Variants in MORF4L1 observed in about 807,000 individuals in gnomAD.
MORF4L1 encodes mortality factor 4 like 1.
MORF4L1 carries 4 observed loss-of-function variants against 52.9 expected under a neutral mutation model. The observed-to-expected ratio is 0.08, with a 90% confidence interval of 0.04 to 0.17. The LOEUF (loss-of-function observed/expected upper bound fraction) is 0.17. Among genes scored for constraint, MORF4L1 ranks in the 10% least tolerant of loss-of-function variants. The pLI, the probability that MORF4L1 is intolerant of heterozygous loss-of-function variation, is 1.00. For synonymous variants in MORF4L1, 123 were observed against 134.8 expected, an observed-to-expected ratio of 0.91 and a Z score of 0.61; for missense variants, 214 against 390.4, an observed-to-expected ratio of 0.55 and a Z score of 3.81.
intron 3 of MORF4L1, among the ~76,000 whole-genome samples, chr15:78,882,835 G>C (rs533145727): frequency 1.3e-5 from 2 of 152,060 alleles, no homozygotes; most frequent in Admixed American, 1.3e-4. Context: ...TTCTTAGGGA[G>C]GCTGAGGTTG....
chr15:78,896,560 G>A (rs1359638362), intron 11 of MORF4L1, among the ~76,000 whole-genome samples: 2 of 151,782 alleles, frequency 1.3e-5, no homozygotes, highest in Admixed American at 1.3e-4. Context: ...AGCTTGCCTT[G>A]GCCTCCCAAA....
Position 78,897,107 on chromosome 15 carries a change from A to G in MORF4L1, c.*40A>G. On this transcript the variant is annotated 3_prime_UTR_variant, in exon 12 of 12. Transcript: ENST00000426013. ...CACTTATGTTTGGATCTCCGTAAAC[A>G]CATTTTTGTTCTTAGTCTATCTCTT... 1 of 1,499,014 alleles carries G rather than the reference A, an allele frequency of 6.7e-7. No individual in the cohort carries two copies. Among genetic ancestry groups the G allele is most frequent in the South Asian group, 1.1e-5 (1 of 88,344 alleles). The allele number at this position is 1,499,014 out of a possible 1,614,324, so 92.9% of individuals were successfully genotyped here. A position where few individuals can be genotyped will look rare whatever the true frequency, so the allele number is the denominator to read the frequency against.
At chr15:78,894,588 C>T (rs1209632247) in intron 10 of MORF4L1, 7 of 479,778 alleles carry the variant, frequency 1.5e-5, no homozygotes, top group South Asian at 7.8e-5. Context: ...TTTGTATTTT[C>T]TGTAGAGATG....
At chr15:78,894,339 GAACTTTTATCTAGAATGTT>G (rs1448247559) in intron 10 of MORF4L1, 109 bp downstream of exon 10, 5 of 847,716 alleles carry the variant, frequency 5.9e-6, no homozygotes, top group Non-Finnish European at 8.7e-6. Flanking sequence ...ATTTTAATTT[GAACTTTTATCTAGAATGTT>G]AAATAGCAAA....
At chr15:78,879,832 G>T (rs2056568696) in intron 2 of MORF4L1, among the ~76,000 whole-genome samples, 1 of 151,224 alleles carries the variant, frequency 6.6e-6, no homozygotes, top group African/African-American at 2.4e-5. Flanking sequence ...TGTTGTTATT[G>T]TTGTATCAAC....
In MORF4L1 at chr15:78,873,001, C is replaced by T. The variant is rs771781138; in HGVS notation, c.-17C>T. On this transcript the variant is annotated 5_prime_UTR_variant, in exon 1 of 12. Transcript: ENST00000426013. ...CGGGGGTGGTGGGAGAAGGAGGAGG[C>T]GGCGAATCACTTATAAATGGCGCCG... 1.3e-5 allele frequency: 20 copies of T among 1,549,936 alleles called. No individual in the cohort carries two copies. The highest frequency in any genetic ancestry group is 1.2e-4 in the South Asian group (10 of 84,008).
chr15:78,894,299 A>G (rs2056847849), intron 10 of MORF4L1, 69 bp downstream of exon 10: 9 of 1,287,268 alleles, frequency 7.0e-6, no homozygotes, highest in African/African-American at 1.5e-5. Flanking sequence ...ATAAGAGGTA[A>G]AGTAATTAAC....
At chr15:78,887,923 C>T (rs1258581571) in intron 5 of MORF4L1, among the ~76,000 whole-genome samples, 3 of 152,274 alleles carry the variant, frequency 2.0e-5, no homozygotes, top group South Asian at 2.1e-4. Context: ...GGATTACAGG[C>T]GTGTGCCACC....
chr15:78,877,446 A>C (rs2056516942), intron 1 of MORF4L1, among the ~76,000 whole-genome samples: 1 of 152,230 alleles, frequency 6.6e-6, no homozygotes, highest in South Asian at 2.1e-4. Flanking sequence ...GAGCTAAAAA[A>C]GAGCTGACAT....
chr15:78,878,071 C>G (rs1174408110), intron 1 of MORF4L1, 142 bp from the exon 2 acceptor site: 3 of 649,448 alleles, frequency 4.6e-6, no homozygotes, highest in Non-Finnish European at 7.3e-6. Context: ...AAGTTTGAGC[C>G]AAAGTGGTGC....
chr15:78,874,584 T>TTTC (rs1491225092), intron 1 of MORF4L1, among the ~76,000 whole-genome samples: 3 of 728 alleles, frequency 4.1e-3, no homozygotes, highest in African/African-American at 0.012. Flanking sequence ...TTTTTCTTTC[T>TTTC]TTTTTTTTTT....
chr15:78,884,208 A>AAAAACAC (rs200115659), intron 3 of MORF4L1, among the ~76,000 whole-genome samples: 23,239 of 146,630 alleles, frequency 0.16, 2,560 homozygotes, highest in East Asian at 0.64. Context: ...CATCTCAAAA[A>AAAAACAC]AAAAAACAAA....
rs74024473 is a variant in MORF4L1, at chr15:78,893,659, A to G, written c.629+32A>G. ...ATATACATTTTTCAGATGACACTCA[A>G]AAGACATTTAAAAAAGTTTCTAAAT... On this transcript the variant is annotated intron_variant, in intron 9 of 11. Coordinates refer to ENST00000426013, the MANE Select transcript of MORF4L1 (RefSeq NM_006791.4). 16,426 of 1,406,122 alleles carry G rather than the reference A, an allele frequency of 0.012. 1,360 individuals are homozygous for G. In the African/African-American group the frequency reaches 0.19, roughly 16 times the overall value. The allele number at this position is 1,406,122 out of a possible 1,614,324, so 87.1% of individuals were successfully genotyped here. A position where few individuals can be genotyped will look rare whatever the true frequency, so the allele number is the denominator to read the frequency against.
chr15:78,890,026 C>G (rs2056771785), intron 5 of MORF4L1, among the ~76,000 whole-genome samples: 1 of 151,990 alleles, frequency 6.6e-6, no homozygotes, highest in African/African-American at 2.4e-5. Flanking sequence ...AGTTTGAGAC[C>G]AGCCTGGCCA....
rs745709739 is a variant in MORF4L1, at chr15:78,891,497, A to T, written c.363A>T (p.Gly121=). The T allele has an allele frequency of 6.2e-7, 1 of 1,613,952 alleles. No homozygotes were observed. The highest frequency in any genetic ancestry group is 1.7e-5 in the Admixed American group (1 of 60,002). The change falls in exon 7 of 12, where the codon GGA becomes GGT. Residue 121 remains glycine, a synonymous_variant. Coordinates refer to ENST00000426013, the MANE Select transcript of MORF4L1 (RefSeq NM_006791.4). The part of the protein sequence containing the change: ...KKNKQKTPGN[G]DGGSTSETPQ... The stretch of plus-strand genomic sequence containing the variant: ...CAACATTTACAGCACCTGGAAATGG[A>T]GATGGTGGCAGTACCAGTGAGACCC...
At chr15:78,884,173 C>T (rs1596244592) in intron 3 of MORF4L1, among the ~76,000 whole-genome samples, 1 of 146,740 alleles carries the variant, frequency 6.8e-6, no homozygotes, top group East Asian at 2.0e-4. Context: ...CACTGCACTC[C>T]AGCCTGGGCG....
At chr15:78,880,705 G>C in intron 3 of MORF4L1, 126 bp downstream of exon 3, 1 of 642,160 alleles carries the variant, frequency 1.6e-6, no homozygotes, top group Non-Finnish European at 2.6e-6. Context: ...TGAAGCAAAG[G>C]TGAATCATTT....
chr15:78,887,935 C>T lies in MORF4L1; in HGVS notation c.323+586C>T, dbSNP rs533416974. On this transcript the variant is annotated intron_variant, in intron 5 of 11. Transcript: ENST00000426013. ...CGGGGATTACAGGCGTGTGCCACCACGCCTGGCTGATTTTTGTATTTTTAG... is the reference window on the plus strand; with the variant it reads ...CGGGGATTACAGGCGTGTGCCACCATGCCTGGCTGATTTTTGTATTTTTAG... Among the ~76,000 whole-genome samples the T allele has an allele frequency of 3.9e-5, 6 of 152,298 alleles. No homozygotes were observed. In the South Asian group the frequency reaches 1.0e-3, roughly 26 times the overall value.
At chr15:78,880,824 T>C (rs532346726) in intron 3 of MORF4L1, among the ~76,000 whole-genome samples, 5 of 152,022 alleles carry the variant, frequency 3.3e-5, no homozygotes, top group Non-Finnish European at 5.9e-5. Context: ...ATTAGTCATA[T>C]AGTCAATCAA....
Sources: allele counts gnomAD v4.1 joint callset (sites outside exome capture counted in the v4.1 genomes callset), GRCh38; gene constraint gnomAD v4.1.1; transcripts MANE v1.5; gene names NCBI Gene and HGNC (gene_info 2026-07-23, HGNC 2026-07-21).